The following ICA1L variants were observed in gnomAD, a reference collection of about 807,000 sequenced individuals.
The protein encoded by ICA1L is islet cell autoantigen 1 like, also known as islet cell autoantigen 1-like protein.
ICA1L carries 50 observed loss-of-function variants against 61.3 expected under a neutral mutation model. That is an observed-to-expected ratio of 0.82 (90% CI 0.65 to 1.03). The LOEUF is 1.03. Ranked by LOEUF, ICA1L falls within the 50% of genes least tolerant of loss-of-function variation. The pLI, the probability that ICA1L is intolerant of heterozygous loss-of-function variation, is 0.00. For missense variants in ICA1L, 508 were observed against 556.7 expected, an observed-to-expected ratio of 0.91 and a Z score of 0.88; for synonymous variants, 161 against 191.3, an observed-to-expected ratio of 0.84 and a Z score of 1.31.
intron 1 of ICA1L, among the ~76,000 whole-genome samples, chr2:202,839,452 G>A (rs1694250690): frequency 6.8e-6 from 1 of 146,128 alleles, no homozygotes; most frequent in Non-Finnish European, 1.5e-5. Flanking sequence ...TGAGCCAAGA[G>A]TGCACCACTG....
In ICA1L at chr2:202,854,425, T is replaced by C. The variant is rs566034408; in HGVS notation, c.-8+17194A>G. On this transcript the variant is annotated intron_variant, in intron 1 of 12. Coordinates refer to ENST00000358299, the MANE Select transcript of ICA1L (RefSeq NM_001288622.3). ...TAGAGACCTACAAAAAGACTTAGACTCGCACACAATAATAGGGGGAGACTT... is the reference window on the plus strand; with the variant it reads ...TAGAGACCTACAAAAAGACTTAGACCCGCACACAATAATAGGGGGAGACTT... Among the ~76,000 whole-genome samples, 4 of 152,226 alleles carry C rather than the reference T, an allele frequency of 2.6e-5. No individual in the cohort carries two copies. The East Asian group carries it at 7.7e-4, about 29-fold the overall frequency.
At chr2:202,839,791 T>C (rs539567641) in intron 1 of ICA1L, among the ~76,000 whole-genome samples, 48 of 152,162 alleles carry the variant, frequency 3.2e-4, no homozygotes, top group African/African-American at 1.2e-3. Flanking sequence ...GCCTTCTTCC[T>C]TTGTGATTAG....
At chr2:202,801,557 T>C (rs1441956617) in intron 9 of ICA1L, among the ~76,000 whole-genome samples, 1 of 152,236 alleles carries the variant, frequency 6.6e-6, no homozygotes, top group Admixed American at 6.5e-5. Flanking sequence ...AGAAAATTTG[T>C]CCCATCCTTG....
chr2:202,866,926 G>A (rs1447354221), intron 1 of ICA1L, among the ~76,000 whole-genome samples: 2 of 152,052 alleles, frequency 1.3e-5, no homozygotes, highest in African/African-American at 2.4e-5. Context: ...CAGCCAGGGC[G>A]AGAGCACGAG....
intron 10 of ICA1L, among the ~76,000 whole-genome samples, chr2:202,791,846 C>CA (rs1276416366): frequency 4.0e-5 from 6 of 150,876 alleles, no homozygotes; most frequent in African/African-American, 1.5e-4. Context: ...ACTCTTGTCT[C>CA]AAAAAAACAA....
intron 9 of ICA1L, among the ~76,000 whole-genome samples, chr2:202,800,208 C>T (rs1212898284): frequency 6.6e-6 from 1 of 151,980 alleles, no homozygotes; most frequent in Non-Finnish European, 1.5e-5. Flanking sequence ...AAAAACTGCC[C>T]ATAGCAATAA....
chr2:202,808,343 T>C (rs1449363038), intron 9 of ICA1L, among the ~76,000 whole-genome samples: 4 of 151,882 alleles, frequency 2.6e-5, no homozygotes, highest in African/African-American at 9.7e-5. Context: ...AGGCAGTACC[T>C]GCTGCAGGGA....
Position 202,871,663 on chromosome 2 carries a change from T to TGATCCGTCCCGG in ICA1L, c.-64_-53dup, listed in dbSNP as rs1687737152. On this transcript the variant is annotated 5_prime_UTR_variant, in exon 1 of 13. Coordinates refer to ENST00000358299, the MANE Select transcript of ICA1L (RefSeq NM_001288622.3). ...CCTCGGGTCGCGTTCGGCCGTACGG[T>TGATCCGTCCCGG]GATCCGTCCCGGCACCCGTTCCGGC... The TGATCCGTCCCGG allele has an allele frequency of 6.6e-6, 1 of 152,472 alleles. No homozygotes were observed. 9.4% of individuals were successfully genotyped at this position (152,472 alleles called of 1,614,324 possible). A position where few individuals can be genotyped will look rare whatever the true frequency, so the allele number is the denominator to read the frequency against.
chr2:202,831,505 T>A (rs1403119257), intron 1 of ICA1L, among the ~76,000 whole-genome samples: 1 of 152,162 alleles, frequency 6.6e-6, no homozygotes, highest in Non-Finnish European at 1.5e-5. Context: ...CTAAACTGAC[T>A]GCAGGTTTAG....
intron 12 of ICA1L, among the ~76,000 whole-genome samples, chr2:202,785,174 G>A (rs1692540466): frequency 6.8e-6 from 1 of 148,146 alleles, no homozygotes; most frequent in South Asian, 2.1e-4. Context: ...AGCCGAGATT[G>A]TACCATTGCA....
intron 12 of ICA1L, among the ~76,000 whole-genome samples, chr2:202,784,883 G>A (rs899741350): frequency 3.3e-5 from 5 of 152,138 alleles, no homozygotes; most frequent in Non-Finnish European, 7.4e-5. Context: ...CTGTTTCACA[G>A]CAGTATGAAC....
rs1362999559 is a variant in ICA1L at position 202,776,354 on chromosome 2, ATAAAG to A, written c.*3174_*3178del. ...AAAACACATTTTTATCCAGTATAAC[ATAAAG>A]TATAGATATTTCTCCCCATTTAACA... On this transcript the variant is annotated 3_prime_UTR_variant, in exon 13 of 13. Coordinates refer to ENST00000358299, the MANE Select transcript of ICA1L (RefSeq NM_001288622.3). The A allele has an allele frequency of 2.0e-5, 3 of 152,214 alleles. No individual in the cohort carries two copies. Among genetic ancestry groups the A allele is most frequent in the Admixed American group, 6.5e-5 (1 of 15,280 alleles). The allele number at this position is 152,214 out of a possible 1,614,324, so 9.4% of individuals were successfully genotyped here.
intron 8 of ICA1L, among the ~76,000 whole-genome samples, chr2:202,812,839 GT>G (rs1311427407): frequency 1.3e-5 from 2 of 152,150 alleles, no homozygotes; most frequent in South Asian, 2.1e-4. Context: ...CCATCTATTA[GT>G]TAACTTGAAA....
chr2:202,864,238 T>A (rs991031071), intron 1 of ICA1L, among the ~76,000 whole-genome samples: 3 of 152,046 alleles, frequency 2.0e-5, no homozygotes, highest in Non-Finnish European at 4.4e-5. Context: ...AAAAGATTAT[T>A]ACAGATCAAT....
At chr2:202,847,191 G>C (rs1163064269) in intron 1 of ICA1L, among the ~76,000 whole-genome samples, 1 of 152,140 alleles carries the variant, frequency 6.6e-6, no homozygotes, top group Admixed American at 6.6e-5. Context: ...TCTAATAAAA[G>C]CCTGGACCAA....
At chr2:202,862,848 GAATA>G (rs1319957461) in intron 1 of ICA1L, among the ~76,000 whole-genome samples, 2 of 150,716 alleles carry the variant, frequency 1.3e-5, no homozygotes, top group South Asian at 2.1e-4. Context: ...AAAAAAAAAA[GAATA>G]AATATAAATA....
chr2:202,824,322 C>T (rs1157705238), intron 3 of ICA1L, among the ~76,000 whole-genome samples: 1 of 151,960 alleles, frequency 6.6e-6, no homozygotes, highest in Non-Finnish European at 1.5e-5. Context: ...ATTGCTTGAA[C>T]CTGGGAGGCG....
intron 1 of ICA1L, among the ~76,000 whole-genome samples, chr2:202,861,188 T>C (rs997421781): frequency 1.3e-5 from 2 of 151,830 alleles, no homozygotes; most frequent in Non-Finnish European, 2.9e-5. Context: ...GATTGTGCCA[T>C]TGCACTCCAG....
Position 202,819,791 on chromosome 2 carries a change from G to A in ICA1L, c.468C>T (p.Arg156=). ...ACAGTAGAGCTCCTCTGTATTCTGTGCGTGCCTGCTCCATCCGATTAATTG... is the reference window on the plus strand; with the variant it reads ...ACAGTAGAGCTCCTCTGTATTCTGTACGTGCCTGCTCCATCCGATTAATTG... The part of the protein sequence containing the change: ...LMTINRMEQA[R]TEYRGALLWM... Residue 156 remains arginine, a synonymous_variant, in exon 5 of 13, where the codon CGC becomes CGT. Transcript: ENST00000358299. The A allele has an allele frequency of 6.2e-7, 1 of 1,613,950 alleles. No individual in the cohort carries two copies. Among genetic ancestry groups the A allele is most frequent in the Non-Finnish European group, 8.5e-7 (1 of 1,179,844 alleles).
Sources: gnomAD v4.1 joint callset for allele counts (sites outside exome capture counted in the v4.1 genomes callset) on GRCh38, gnomAD v4.1.1 for gene constraint, MANE v1.5 for transcripts, NCBI Gene and HGNC (gene_info 2026-07-23, HGNC 2026-07-21) for gene names.